The following EYA2 variants were observed in gnomAD, a reference collection of about 807,000 sequenced individuals.
The protein encoded by EYA2 is EYA transcriptional coactivator and phosphatase 2.
In EYA2, 31 loss-of-function variants were observed where a neutral mutation model predicts 69.2. That is an observed-to-expected ratio of 0.45 (90% CI 0.34 to 0.60). The LOEUF (loss-of-function observed/expected upper bound fraction) is 0.60, where lower values mean the gene tolerates loss of function less well. Ranked by LOEUF, EYA2 falls within the 20% of genes least tolerant of loss-of-function variation. EYA2 has a pLI of 0.02. For synonymous variants in EYA2, 257 were observed against 279.4 expected, an observed-to-expected ratio of 0.92 and a Z score of 0.80; for missense variants, 622 against 701.2, an observed-to-expected ratio of 0.89 and a Z score of 1.28.
chr20:46,981,732 A>G (rs185887785), intron 1 of EYA2, among the ~76,000 whole-genome samples: 1 of 152,220 alleles, frequency 6.6e-6, no homozygotes, highest in East Asian at 1.9e-4. Context: ...TTATTTTAAA[A>G]TCTATTTGGG....
At position 47,016,181 on chromosome 20, in the gene EYA2, G is replaced by T. The variant is rs763962033; in HGVS notation, c.299G>T (p.Ser100Ile). 1.9e-6 allele frequency: 3 copies of T among 1,611,594 alleles called. No homozygotes were observed. Among genetic ancestry groups the T allele is most frequent in the Admixed American group, 3.3e-5 (2 of 60,006 alleles). ...TTTTTTTCCCCCTCTTCCTTCAAAG[G>T]CATCAAGACAGAAGACAGCTTGAAC... ...PAQAYGIPSY[S>I]IKTEDSLNHS... is the part of the protein sequence containing the mutation. The change falls in exon 5 of 16, where the codon AGC becomes ATC. Residue 100 changes from serine (S) to isoleucine (I), a missense_variant and splice_region_variant. This residue lies in a region of EYA2 where 365 missense variants were observed against 349.7 expected (regional missense o/e 1.04). Transcript: ENST00000327619.
intron 5 of EYA2, among the ~76,000 whole-genome samples, chr20:47,039,521 A>G (rs1258974296): frequency 6.6e-6 from 1 of 152,180 alleles, no homozygotes; most frequent in Non-Finnish European, 1.5e-5. Flanking sequence ...CCGTCCCCTG[A>G]TCTAGACCCA....
intron 3 of EYA2, among the ~76,000 whole-genome samples, chr20:47,003,960 T>A (rs932632511): frequency 3.9e-5 from 6 of 152,218 alleles, no homozygotes; most frequent in Non-Finnish European, 7.3e-5. Flanking sequence ...ATCCATGAGA[T>A]ATAATGTACA....
Position 47,027,286 on chromosome 20 carries a change from A to G in EYA2, c.415+10989A>G, listed in dbSNP as rs372601608. 2.2e-3 allele frequency among the ~76,000 whole-genome samples: 334 copies of G among 152,294 alleles called. 1 individual carries two copies. Among genetic ancestry groups the G allele is most frequent in the African/African-American group, 7.8e-3 (323 of 41,552 alleles). ...GCCCAGCCAGTTTTGAGCAGTCTAA[A>G]TCTTCCTGATCTCACTGCATCGGTC... On this transcript the variant is annotated intron_variant, in intron 5 of 15. Coordinates refer to ENST00000327619, the MANE Select transcript of EYA2 (RefSeq NM_005244.5).
chr20:47,181,018 G>A, intron 14 of EYA2, 82 bp downstream of exon 14: 1 of 1,541,964 alleles, frequency 6.5e-7, no homozygotes, highest in South Asian at 1.2e-5. Flanking sequence ...GGTGTTTAAG[G>A]AACATGACAC....
rs764206024 is a variant in EYA2, at chr20:47,074,307, C to A, written c.633C>A (p.Val211=). The A allele has an allele frequency of 1.2e-6, 2 of 1,614,106 alleles. No homozygotes were observed. The highest frequency in any genetic ancestry group is 1.7e-6 in the Non-Finnish European group (2 of 1,179,970). ...TCCTCCAGGAGGCATCTCACAACGT[C>A]CCCAACCAGAGTTCCGAGTCACTTG... is the stretch of plus-strand genomic sequence containing the variant. ...TYVLQEASHN[V]PNQSSESLAG... Residue 211 remains valine, a synonymous_variant, in exon 7 of 16, where the codon GTC becomes GTA. Transcript: ENST00000327619.
chr20:46,947,470 A>G (rs2146270189), intron 1 of EYA2, among the ~76,000 whole-genome samples: 1 of 152,332 alleles, frequency 6.6e-6, no homozygotes, highest in African/African-American at 2.4e-5. Flanking sequence ...GTTTTAAGAA[A>G]CAATGCTTGC....
intron 1 of EYA2, among the ~76,000 whole-genome samples, chr20:46,966,374 G>A (rs1979782429): frequency 6.6e-6 from 1 of 152,248 alleles, no homozygotes; most frequent in African/African-American, 2.4e-5. Flanking sequence ...GATAGAGCAG[G>A]AACAATCTAG....
At chr20:47,011,001 C>T (rs1983025419) in intron 4 of EYA2, among the ~76,000 whole-genome samples, 2 of 152,090 alleles carry the variant, frequency 1.3e-5, no homozygotes, top group Admixed American at 1.3e-4. Context: ...GTTTCCCAGG[C>T]TGATCTTGAA....
intron 9 of EYA2, among the ~76,000 whole-genome samples, chr20:47,114,638 T>C (rs2032842584): frequency 6.6e-6 from 1 of 152,080 alleles, no homozygotes; most frequent in South Asian, 2.1e-4. Flanking sequence ...ATAATAAAGC[T>C]TTGGCCTCTA....
At chr20:46,978,379 C>T (rs1357414406) in intron 1 of EYA2, 9 of 345,498 alleles carry the variant, frequency 2.6e-5, no homozygotes, top group East Asian at 1.5e-4. Flanking sequence ...GGAGGGAAAT[C>T]GCTTACTCAG....
intron 5 of EYA2, among the ~76,000 whole-genome samples, chr20:47,063,522 C>G (rs927680310): frequency 1.3e-5 from 2 of 151,926 alleles, no homozygotes; most frequent in African/African-American, 4.8e-5. Flanking sequence ...AAAAGGAAAA[C>G]CCCACCTCTG....
In EYA2 at chr20:46,932,591, G is replaced by A. The variant is rs868625601; in HGVS notation, c.-11+37604G>A. ...TCATGAGAGCTGATGCTGTTAAAGT[G>A]TTTGGCACTGGCCAGGTGCGGTGGC... On this transcript the variant is annotated intron_variant, in intron 1 of 15. Coordinates refer to ENST00000327619, the MANE Select transcript of EYA2 (RefSeq NM_005244.5). 5.9e-5 allele frequency among the ~76,000 whole-genome samples: 9 copies of A among 152,302 alleles called. 1 individual carries two copies. Among genetic ancestry groups the A allele is most frequent in the African/African-American group, 2.2e-4 (9 of 41,566 alleles).
chr20:47,001,395 A>T (rs749573033), intron 2 of EYA2, 33 bp from the exon 3 acceptor site: 1 of 1,609,130 alleles, frequency 6.2e-7, no homozygotes, highest in South Asian at 1.1e-5. Context: ...CCTAATCGCT[A>T]AAACTCTTCC....
At chr20:46,973,898 G>T (rs1980294465) in intron 1 of EYA2, among the ~76,000 whole-genome samples, 1 of 152,098 alleles carries the variant, frequency 6.6e-6, no homozygotes, top group African/African-American at 2.4e-5. Context: ...TCGCTGCATG[G>T]CTCTTTCAAT....
At chr20:46,898,554 A>C (rs1983932922) in intron 1 of EYA2, among the ~76,000 whole-genome samples, 1 of 152,172 alleles carries the variant, frequency 6.6e-6, no homozygotes, top group Non-Finnish European at 1.5e-5. Flanking sequence ...CATACAAAAC[A>C]AAAAGAAGAT....
chr20:47,047,740 G>A (rs1040696745), intron 5 of EYA2, among the ~76,000 whole-genome samples: 2 of 151,728 alleles, frequency 1.3e-5, no homozygotes, highest in Non-Finnish European at 2.9e-5. Flanking sequence ...CACTGGTGCT[G>A]TAACAAAGTG....
intron 1 of EYA2, among the ~76,000 whole-genome samples, chr20:46,903,326 T>C (rs1006908352): frequency 1.3e-5 from 2 of 152,184 alleles, no homozygotes; most frequent in African/African-American, 4.8e-5. Flanking sequence ...ACAGAAGCTA[T>C]GCCTGGTTCA....
In EYA2 at chr20:47,107,688, G is replaced by T. The variant is rs185393242; in HGVS notation, c.888+10520G>T. On this transcript the variant is annotated intron_variant, in intron 9 of 15. Transcript: ENST00000327619. Reference sequence around the variant, plus strand: ...CCCTGTCTCTAAAACAAGAAAGAGAGAAAGAAAAAACAAAAGAGAAGAAGG... The same window carrying T: ...CCCTGTCTCTAAAACAAGAAAGAGATAAAGAAAAAACAAAAGAGAAGAAGG... Among the ~76,000 whole-genome samples, 4 of 137,762 alleles carry T rather than the reference G, an allele frequency of 2.9e-5. No homozygotes were observed. The East Asian group carries it at 8.5e-4, about 29-fold the overall frequency. The allele number at this position is 137,762 out of a possible 152,430, so 90.4% of individuals were successfully genotyped here. A position where few individuals can be genotyped will look rare whatever the true frequency, so the allele number is the denominator to read the frequency against.
Sources: allele counts gnomAD v4.1 joint callset (sites outside exome capture counted in the v4.1 genomes callset), GRCh38; gene constraint gnomAD v4.1.1; regional missense constraint gnomAD v4.1.1; transcripts MANE v1.5; gene names NCBI Gene and HGNC (gene_info 2026-07-23, HGNC 2026-07-21).